The following BUD23 variants were observed in gnomAD, a reference collection of about 807,000 sequenced individuals.
BUD23 encodes the protein BUD23 rRNA methyltransferase and ribosome maturation factor, also known as 18S rRNA (guanine-N(7))-methyltransferase.
Under a neutral mutation model 47.0 loss-of-function variants are expected in BUD23, and 34 were observed. The observed-to-expected ratio is 0.72, with a 90% CI of 0.55 to 0.96. BUD23 has a LOEUF of 0.96. Among genes scored for constraint, BUD23 ranks in the 40% least tolerant of loss-of-function variants. BUD23 has a pLI of 0.00. For missense variants in BUD23, 343 were observed against 361.2 expected, an observed-to-expected ratio of 0.95 and a Z score of 0.41; for synonymous variants, 124 against 132.0, an observed-to-expected ratio of 0.94 and a Z score of 0.41.
At chr7:73,686,771 G>C in intron 3 of BUD23, 40 bp downstream of exon 3, 1 of 1,614,076 alleles carries the variant, frequency 6.2e-7, no homozygotes, top group Non-Finnish European at 8.5e-7. Flanking sequence ...CTAAGGTGGT[G>C]AAGTGTCTTT....
Position 73,698,137 on chromosome 7 carries a change from GAAAAAA to G in BUD23, c.*265_*270del. 1 of 135,952 alleles carries G rather than the reference GAAAAAA, an allele frequency of 7.4e-6. No homozygotes were observed. The highest frequency in any genetic ancestry group is 2.9e-5 in the African/African-American group (1 of 34,682). The allele number at this position is 135,952 out of a possible 1,614,324, so 8.4% of individuals were successfully genotyped here. On this transcript the variant is annotated 3_prime_UTR_variant, in exon 12 of 12. Coordinates refer to ENST00000265758, the MANE Select transcript of BUD23 (RefSeq NM_017528.5). ...ATAATGAAACTTCCTTTCCAGGGAGGAAAAAAAAAAAAAAAAAAAGCTCTGAGAGCA... is the reference window on the plus strand; with the variant it reads ...ATAATGAAACTTCCTTTCCAGGGAGGAAAAAAAAAAAAAGCTCTGAGAGCA...
rs782236878 is a variant in BUD23 at position 73,683,784 on chromosome 7, A to G, written c.66A>G (p.Glu22=). ...TTTCGCAGTTTTATGACGAGACAGA[A>G]GCCCGGAAATACGTTCGCAAGTGAG... ...GPPELFYDET[E]ARKYVRNSRM... Residue 22 remains glutamate (E), a synonymous_variant, in exon 2 of 12, where the codon GAA becomes GAG. Coordinates refer to ENST00000265758, the MANE Select transcript of BUD23 (RefSeq NM_017528.5). 8.1e-6 allele frequency: 13 copies of G among 1,614,184 alleles called. No homozygotes were observed. Among genetic ancestry groups the G allele is most frequent in the Middle Eastern group, 1.6e-4 (1 of 6,062 alleles).
At chr7:73,695,520 A>T (rs1798370926) in intron 10 of BUD23, 1 of 152,168 alleles carries the variant, frequency 6.6e-6, no homozygotes, top group African/African-American at 2.4e-5. Context: ...AAGTGCTGGG[A>T]TTACAGGTGT....
At chr7:73,692,489 C>T in intron 6 of BUD23, 107 bp from the exon 7 acceptor site, 2 of 1,116,954 alleles carry the variant, frequency 1.8e-6, no homozygotes, top group South Asian at 1.4e-5. Flanking sequence ...ATGCCTCACA[C>T]ATAATGGAAA....
At chr7:73,693,002 G>C in intron 7 of BUD23, 1 of 542,092 alleles carries the variant, frequency 1.8e-6, no homozygotes, top group South Asian at 2.4e-5. Flanking sequence ...GATGTTGAAA[G>C]ATAAGTGAAG....
In BUD23 at chr7:73,693,405, A is replaced by G; in HGVS notation, c.587A>G (p.Lys196Arg). 8 of 1,614,146 alleles carry G rather than the reference A, an allele frequency of 5.0e-6. No individual in the cohort carries two copies. Among genetic ancestry groups the G allele is most frequent in the Non-Finnish European group, 6.8e-6 (8 of 1,180,022 alleles). ...GMVVDYPNSA[K>R]AKKFYLCLFS... Reference sequence around the variant, plus strand: ...GTGGTAGACTACCCTAACAGTGCCAAAGCAAAGAAGTGAGCGCTGGGGGCC... The same window carrying G: ...GTGGTAGACTACCCTAACAGTGCCAGAGCAAAGAAGTGAGCGCTGGGGGCC... Residue 196 changes from lysine to arginine, a missense_variant, in exon 8 of 12, where the codon AAA becomes AGA. Physicochemically the swap from Lys to Arg is conservative, Grantham distance 26. Transcript: ENST00000265758.
At chr7:73,689,531 G>T (rs1798107514) in intron 5 of BUD23, among the ~76,000 whole-genome samples, 1 of 152,172 alleles carries the variant, frequency 6.6e-6, no homozygotes, top group African/African-American at 2.4e-5. Context: ...TCATGGGGCT[G>T]CCAGAGCACA....
At chr7:73,688,993 A>G (rs923646673) in intron 5 of BUD23, among the ~76,000 whole-genome samples, 5 of 152,144 alleles carry the variant, frequency 3.3e-5, no homozygotes, top group African/African-American at 1.2e-4. Context: ...TATGGTCTGT[A>G]TGTTTCGGAA....
At position 73,686,702 on chromosome 7, in the gene BUD23, G is replaced by T; in HGVS notation, c.153G>T (p.Glu51Asp). The T allele has an allele frequency of 1.2e-6, 2 of 1,614,188 alleles. No individual in the cohort carries two copies. The highest frequency in any genetic ancestry group is 1.7e-6 in the Non-Finnish European group (2 of 1,180,028). ...GRALELLYLP[E>D]NKPCYLLDIG... ...CATTGGAGCTTCTTTATCTGCCAGAGAATAAGCCCTGTTACCTGCTGGATA... is the reference window on the plus strand; with the variant it reads ...CATTGGAGCTTCTTTATCTGCCAGATAATAAGCCCTGTTACCTGCTGGATA... The change falls in exon 3 of 12, where the codon GAG (glutamate) becomes GAT (aspartate). Residue 51 changes from glutamate (E) to aspartate (D), a missense_variant. Transcript: ENST00000265758.
At chr7:73,685,156 A>G (rs769003909) in intron 2 of BUD23, among the ~76,000 whole-genome samples, 15 of 149,916 alleles carry the variant, frequency 1.0e-4, no homozygotes, top group African/African-American at 1.7e-4. Flanking sequence ...GAAAATACAG[A>G]TATTAGCCGG....
At chr7:73,689,361 T>C (rs2116683870) in intron 5 of BUD23, among the ~76,000 whole-genome samples, 1 of 152,306 alleles carries the variant, frequency 6.6e-6, no homozygotes, top group East Asian at 1.9e-4. Flanking sequence ...CTTTTTTTTT[T>C]TTTTTAAACA....
intron 2 of BUD23, chr7:73,684,129 G>C (rs782516187): frequency 3.2e-6 from 2 of 617,130 alleles, no homozygotes; most frequent in Non-Finnish European, 5.3e-6. Flanking sequence ...GTGGGGGGAA[G>C]GAAGTAATGG....
At chr7:73,684,671 G>A (rs1217881448) in intron 2 of BUD23, among the ~76,000 whole-genome samples, 3 of 148,936 alleles carry the variant, frequency 2.0e-5, no homozygotes, top group Non-Finnish European at 4.5e-5. Flanking sequence ...GCCTGTAATC[G>A]CAACACTTTG....
At chr7:73,689,103 G>C (rs1472505601) in intron 5 of BUD23, among the ~76,000 whole-genome samples, 7 of 152,216 alleles carry the variant, frequency 4.6e-5, no homozygotes, top group African/African-American at 1.4e-4. Flanking sequence ...AGACTGGAGT[G>C]CAGTGGCACG....
intron 10 of BUD23, chr7:73,696,266 C>T (rs73702567): frequency 6.4e-4 from 98 of 152,312 alleles, no homozygotes; most frequent in African/African-American, 2.0e-3. Flanking sequence ...CCCTTAGTTT[C>T]CCTAGTCCAT....
At position 73,697,631 on chromosome 7, in the gene BUD23, G is replaced by A. The variant is rs1256642173; in HGVS notation, c.728G>A (p.Gly243Glu). 1.2e-6 allele frequency: 2 copies of A among 1,613,736 alleles called. No individual in the cohort carries two copies. Among genetic ancestry groups the A allele is most frequent in the African/African-American group, 1.3e-5 (1 of 75,054 alleles). Residue 243 changes from glycine to glutamate, a missense_variant, in exon 11 of 12, where the codon GGA becomes GAA. Transcript: ENST00000265758. Reference sequence around the variant, plus strand: ...TTCCCATTAAGGATGTCGAGGCGGGGAATGGTGAGGAAGAGTCGGGCATGG... The same window carrying A: ...TTCCCATTAAGGATGTCGAGGCGGGAAATGGTGAGGAAGAGTCGGGCATGG... ...ERFPLRMSRR[G>E]MVRKSRAWVL...
chr7:73,693,517 T>C, intron 8 of BUD23, 103 bp downstream of exon 8: 1 of 1,589,036 alleles, frequency 6.3e-7, no homozygotes, highest in Non-Finnish European at 8.6e-7. Context: ...GGGGTGTGGG[T>C]CACCAGGGTC....
chr7:73,694,305 C>A (rs1798311818), intron 10 of BUD23: 1 of 430,330 alleles, frequency 2.3e-6, no homozygotes, highest in Non-Finnish European at 4.1e-6. Flanking sequence ...CCTTGCCACG[C>A]CTGGCAGGCT....
At chr7:73,690,504 A>G (rs1037434540) in intron 5 of BUD23, among the ~76,000 whole-genome samples, 1 of 152,182 alleles carries the variant, frequency 6.6e-6, no homozygotes, top group African/African-American at 2.4e-5. Flanking sequence ...CAAGATGCAG[A>G]TGGAAACAAG....
Sources: gnomAD v4.1 joint callset for allele counts (sites outside exome capture counted in the v4.1 genomes callset) on GRCh38, gnomAD v4.1.1 for gene constraint, MANE v1.5 for transcripts, NCBI Gene and HGNC (gene_info 2026-07-23, HGNC 2026-07-21) for gene names.